The following VPS8 variants were observed in gnomAD, a reference collection of about 807,000 sequenced individuals.
The protein encoded by VPS8 is vacuolar protein sorting-associated protein 8 homolog.
Under a neutral mutation model 216.4 loss-of-function variants are expected in VPS8, and 129 were observed. That is an observed-to-expected ratio of 0.60 (90% CI 0.52 to 0.69). The LOEUF is 0.69. VPS8 is among the 30% of genes least tolerant of loss of function. The pLI is 0.00. For synonymous variants in VPS8, 571 were observed against 565.4 expected (o/e 1.01, Z -0.14); for missense variants, 1,531 against 1,683.5 (o/e 0.91, Z 1.59).
At chr3:184,840,783 C>T (rs1721998088) in intron 7 of VPS8, among the ~76,000 whole-genome samples, 2 of 151,894 alleles carry the variant, frequency 1.3e-5, no homozygotes, top group Non-Finnish European at 2.9e-5. Context: ...GTGTTCTCTT[C>T]TGGATATTAA....
chr3:184,963,322 G>A (rs1169029735), intron 37 of VPS8, among the ~76,000 whole-genome samples: 1 of 152,086 alleles, frequency 6.6e-6, no homozygotes, highest in Admixed American at 6.5e-5. Flanking sequence ...TCAGGAAAAT[G>A]TATGCCTTTT....
Position 184,971,658 on chromosome 3 carries a change from A to T in VPS8, c.3326A>T (p.Glu1109Val). The T allele has an allele frequency of 6.2e-7, 1 of 1,612,208 alleles. No homozygotes were observed. Among genetic ancestry groups the T allele is most frequent in the Admixed American group, 1.7e-5 (1 of 59,914 alleles). ...EVTHQGENTK[E>V]DPSLKDVEDT... Reference sequence around the variant, plus strand: ...CTTTTTCTAAATCTAGATACCAAAGAGGATCCCTCATTGAAGGATGTTGAA... The same window carrying T: ...CTTTTTCTAAATCTAGATACCAAAGTGGATCCCTCATTGAAGGATGTTGAA... The change falls in exon 40 of 48, where the codon GAG becomes GTG. Residue 1109 changes from glutamate to valine, a missense_variant. By Grantham distance (121) the Glu-to-Val change is moderately radical. Transcript: ENST00000625842.
Position 184,971,681 on chromosome 3 carries a change from G to A in VPS8, c.3349G>A (p.Glu1117Lys). 1 of 1,613,392 alleles carries A rather than the reference G, an allele frequency of 6.2e-7. No homozygotes were observed. The highest frequency in any genetic ancestry group is 8.5e-7 in the Non-Finnish European group (1 of 1,179,568). ...TKEDPSLKDV[E>K]DTMVETIALC... The stretch of plus-strand genomic sequence containing the variant: ...AGAGGATCCCTCATTGAAGGATGTT[G>A]AAGATACTATGGTGGAGACCATTGC... The change falls in exon 40 of 48, where the codon GAA becomes AAA. Residue 1117 changes from glutamate (E) to lysine (K), a missense_variant. By Grantham distance (56) the Glu-to-Lys change is moderately conservative (BLOSUM62 1). Transcript: ENST00000625842.
At chr3:184,892,742 G>A (rs553984598) in intron 22 of VPS8, among the ~76,000 whole-genome samples, 60 of 152,298 alleles carry the variant, frequency 3.9e-4, no homozygotes, top group Middle Eastern at 3.4e-3. Context: ...ATCACATGCT[G>A]TTTGTAAACA....
rs1452964441 is a variant in VPS8 at position 185,052,353 on chromosome 3, G to A, written c.*328G>A. ...TTCCATTTACCCTGAAGCCTAGAAA[G>A]TAGGTGGAACTCACACAAATGGCAT... On this transcript the variant is annotated 3_prime_UTR_variant, in exon 48 of 48. Coordinates refer to ENST00000625842, the MANE Select transcript of VPS8 (RefSeq NM_001009921.3). 1 of 201,454 alleles carries A rather than the reference G, an allele frequency of 5.0e-6. No homozygotes were observed. Among genetic ancestry groups the A allele is most frequent in the African/African-American group, 2.3e-5 (1 of 42,576 alleles). 12.5% of individuals were successfully genotyped at this position (201,454 alleles called of 1,614,324 possible).
At chr3:184,851,465 A>ATGTGTGTG (rs10657242) in intron 10 of VPS8, among the ~76,000 whole-genome samples, 30 of 151,038 alleles carry the variant, frequency 2.0e-4, no homozygotes, top group Non-Finnish European at 3.7e-4. Flanking sequence ...ATGGATATTT[A>ATGTGTGTG]TGTGTGTGTG....
At chr3:184,916,673 T>A (rs915573454) in intron 28 of VPS8, among the ~76,000 whole-genome samples, 6 of 152,258 alleles carry the variant, frequency 3.9e-5, no homozygotes, top group Admixed American at 6.5e-5. Flanking sequence ...TCAGATCTAG[T>A]TGGTTTAGGA....
At chr3:184,970,364 A>G (rs1188821844) in intron 39 of VPS8, among the ~76,000 whole-genome samples, 1 of 152,244 alleles carries the variant, frequency 6.6e-6, no homozygotes, top group Non-Finnish European at 1.5e-5. Flanking sequence ...AAGGAGACAG[A>G]TAAGTAAATA....
chr3:184,837,055 G>A (rs1289843889), intron 5 of VPS8, among the ~76,000 whole-genome samples: 1 of 151,908 alleles, frequency 6.6e-6, no homozygotes, highest in African/African-American at 2.4e-5. Flanking sequence ...TGATTAAATT[G>A]CAGATTCCTG....
intron 10 of VPS8, 33 bp from the exon 11 acceptor site, chr3:184,852,467 A>C: frequency 1.9e-6 from 3 of 1,600,986 alleles, no homozygotes; most frequent in South Asian, 2.3e-5. Context: ...CTGTTTAAAA[A>C]TGTACAAGAA....
At chr3:184,876,531 T>C (rs1008749202) in intron 21 of VPS8, among the ~76,000 whole-genome samples, 1 of 152,170 alleles carries the variant, frequency 6.6e-6, no homozygotes, top group African/African-American at 2.4e-5. Context: ...ACAACCTAGA[T>C]TGCTCTTCTG....
chr3:184,921,376 C>A (rs947837021), intron 29 of VPS8, among the ~76,000 whole-genome samples: 1 of 152,194 alleles, frequency 6.6e-6, no homozygotes, highest in Non-Finnish European at 1.5e-5. Flanking sequence ...CCTGCTATTA[C>A]CTCTGCATTC....
At chr3:185,051,823 C>G (rs998722621) in intron 47 of VPS8, 53 bp from the exon 48 acceptor site, 46 of 1,504,444 alleles carry the variant, frequency 3.1e-5, no homozygotes, top group Non-Finnish European at 4.1e-5. Flanking sequence ...TCAGGAGCCT[C>G]TCTTCCCTCT....
rs1283944077 is a variant in VPS8, at chr3:184,915,465, A to G, written c.2373A>G (p.Val791=). 2 of 1,613,330 alleles carry G rather than the reference A, an allele frequency of 1.2e-6. No homozygotes were observed. Among genetic ancestry groups the G allele is most frequent in the African/African-American group, 1.3e-5 (1 of 74,904 alleles). Residue 791 remains valine (V), a synonymous_variant, in exon 28 of 48, where the codon GTA becomes GTG. Coordinates refer to ENST00000625842, the MANE Select transcript of VPS8 (RefSeq NM_001009921.3). ...LHFDTREFLN[V]LALTFEDFKN... ...TTGACACAAGAGAATTTCTAAATGT[A>G]TTGGCACTGGTAAGAGACAGTATTA...
chr3:184,829,379 A>G (rs1286421822), intron 3 of VPS8, among the ~76,000 whole-genome samples: 1 of 151,946 alleles, frequency 6.6e-6, no homozygotes, highest in Non-Finnish European at 1.5e-5. Context: ...ATACGTGGCA[A>G]AGTTTTTTGT....
intron 3 of VPS8, among the ~76,000 whole-genome samples, chr3:184,828,335 C>T (rs926353106): frequency 1.3e-5 from 2 of 152,234 alleles, no homozygotes; most frequent in East Asian, 3.9e-4. Flanking sequence ...GACGGGGTTT[C>T]ACCATGTTGG....
intron 40 of VPS8, among the ~76,000 whole-genome samples, chr3:184,979,481 C>T (rs1749833055): frequency 6.6e-6 from 1 of 152,138 alleles, no homozygotes. Context: ...ATCTGGTGCC[C>T]CATTGTTGGG....
chr3:184,926,365 A>G (rs1739640306), intron 30 of VPS8, among the ~76,000 whole-genome samples: 2 of 149,028 alleles, frequency 1.3e-5, no homozygotes, highest in Admixed American at 1.3e-4. Flanking sequence ...CGACAGAGTG[A>G]GACTCTGTCT....
chr3:184,986,219 G>T (rs1751048097), intron 42 of VPS8, among the ~76,000 whole-genome samples: 1 of 152,160 alleles, frequency 6.6e-6, no homozygotes, highest in Non-Finnish European at 1.5e-5. Context: ...AAGAAAGGAG[G>T]TAGGATTATT....
Sources: gnomAD v4.1 joint callset for allele counts (sites outside exome capture counted in the v4.1 genomes callset) on GRCh38, gnomAD v4.1.1 for gene constraint, MANE v1.5 for transcripts, NCBI Gene and HGNC (gene_info 2026-07-23, HGNC 2026-07-21) for gene names.